Variants in DGKI observed in about 807,000 individuals in gnomAD.
The protein encoded by DGKI is DAG kinase iota.
A neutral mutation model predicts 147.5 loss-of-function variants in DGKI; 55 were observed. That is an observed-to-expected ratio of 0.37 (90% CI 0.30 to 0.47). The LOEUF is 0.47. DGKI is among the 20% of genes least tolerant of loss of function. DGKI has a pLI of 1.00. For missense variants in DGKI, 1,007 were observed against 1,323.8 expected, an observed-to-expected ratio of 0.76 and a Z score of 3.71; for synonymous variants, 469 against 477.1, an observed-to-expected ratio of 0.98 and a Z score of 0.22.
intron 21 of DGKI, among the ~76,000 whole-genome samples, chr7:137,511,029 C>A (rs1292673354): frequency 6.6e-6 from 1 of 152,180 alleles, no homozygotes; most frequent in Non-Finnish European, 1.5e-5. Context: ...AGACTGTTTT[C>A]CACCAGTGTG....
At chr7:137,472,999 T>C (rs549616426) in intron 23 of DGKI, among the ~76,000 whole-genome samples, 22 of 152,274 alleles carry the variant, frequency 1.4e-4, no homozygotes, top group African/African-American at 5.3e-4. Flanking sequence ...TAGGCTATTC[T>C]AATTACAGAA....
chr7:137,615,962 C>T (rs1820517488), intron 8 of DGKI, among the ~76,000 whole-genome samples: 1 of 152,062 alleles, frequency 6.6e-6, no homozygotes, highest in African/African-American at 2.4e-5. Context: ...CTGCATTGTC[C>T]CCACAAGCTC....
At chr7:137,562,998 A>G (rs1723095) in intron 19 of DGKI, among the ~76,000 whole-genome samples, 16,690 of 152,098 alleles carry the variant, frequency 0.11, 2,066 homozygotes, top group African/African-American at 0.3. Flanking sequence ...CATAATCATA[A>G]TCACAAAAAT....
At chr7:137,673,364 G>C (rs1054536585) in intron 3 of DGKI, among the ~76,000 whole-genome samples, 1 of 152,188 alleles carries the variant, frequency 6.6e-6, no homozygotes, top group African/African-American at 2.4e-5. Context: ...TGACAGTGAA[G>C]AGAATCATCT....
chr7:137,586,019 A>C (rs1197455392), intron 13 of DGKI, among the ~76,000 whole-genome samples: 3 of 152,158 alleles, frequency 2.0e-5, no homozygotes, highest in Non-Finnish European at 4.4e-5. Flanking sequence ...TGCCTACTTT[A>C]AAAAAAGACC....
At chr7:137,647,931 G>T (rs572187229) in intron 5 of DGKI, among the ~76,000 whole-genome samples, 7 of 152,306 alleles carry the variant, frequency 4.6e-5, no homozygotes, top group African/African-American at 1.7e-4. Context: ...ATGCATAGAA[G>T]TGGTTACTCA....
At chr7:137,739,184 A>T (rs566590077) in intron 1 of DGKI, among the ~76,000 whole-genome samples, 38 of 152,280 alleles carry the variant, frequency 2.5e-4, no homozygotes, top group African/African-American at 8.7e-4. Flanking sequence ...ACCTGAAAGA[A>T]GGGCATCTCT....
intron 20 of DGKI, among the ~76,000 whole-genome samples, chr7:137,543,651 G>T (rs1817772834): frequency 1.3e-5 from 2 of 152,154 alleles, no homozygotes; most frequent in Admixed American, 6.5e-5. Flanking sequence ...AAAAAGAGTT[G>T]TTCTGAGCAG....
intron 1 of DGKI, among the ~76,000 whole-genome samples, chr7:137,767,402 A>T (rs1796043513): frequency 6.6e-6 from 1 of 152,048 alleles, no homozygotes; most frequent in African/African-American, 2.4e-5. Context: ...AGATAAAGGT[A>T]AGAAAATTAG....
intron 27 of DGKI, chr7:137,454,928 A>G (rs530280260): frequency 1.6e-4 from 25 of 152,198 alleles, no homozygotes; most frequent in African/African-American, 6.0e-4. Context: ...GGAGCTCTGG[A>G]TTGTGAAGGC....
At chr7:137,577,196 A>C in intron 17 of DGKI, 26 bp downstream of exon 17, 2 of 1,516,936 alleles carry the variant, frequency 1.3e-6, no homozygotes, top group Non-Finnish European at 1.8e-6. Flanking sequence ...ATTCAAATTA[A>C]ATAAATCAAC....
chr7:137,505,227 G>A (rs975854454), intron 21 of DGKI, among the ~76,000 whole-genome samples: 6 of 152,106 alleles, frequency 3.9e-5, no homozygotes, highest in African/African-American at 1.4e-4. Flanking sequence ...AAAAGACTGA[G>A]GCCACAGGAC....
At chr7:137,498,308 C>G (rs985478997) in intron 21 of DGKI, among the ~76,000 whole-genome samples, 1 of 151,478 alleles carries the variant, frequency 6.6e-6, no homozygotes, top group Non-Finnish European at 1.5e-5. Flanking sequence ...TCCAGGAGGT[C>G]CCAATAAGAG....
chr7:137,658,905 G>T (rs6962188), intron 3 of DGKI, among the ~76,000 whole-genome samples: 1 of 152,206 alleles, frequency 6.6e-6, no homozygotes, highest in Non-Finnish European at 1.5e-5. Flanking sequence ...ACGTTCCGCA[G>T]ATGATAATAT....
chr7:137,675,800 ATGTT>A (rs1249526228), intron 3 of DGKI, among the ~76,000 whole-genome samples: 2 of 152,010 alleles, frequency 1.3e-5, no homozygotes, highest in African/African-American at 2.4e-5. Flanking sequence ...TTCCCAGGTA[ATGTT>A]TGTTTATTGT....
intron 1 of DGKI, among the ~76,000 whole-genome samples, chr7:137,748,147 G>C (rs1280241611): frequency 6.6e-6 from 1 of 152,054 alleles, no homozygotes; most frequent in African/African-American, 2.4e-5. Flanking sequence ...TTGGCTCTCT[G>C]TACCTAAGTG....
chr7:137,517,828 C>T (rs1816834119), intron 21 of DGKI, among the ~76,000 whole-genome samples: 1 of 152,106 alleles, frequency 6.6e-6, no homozygotes, highest in African/African-American at 2.4e-5. Flanking sequence ...TATTTACATG[C>T]TTCATAGATT....
At chr7:137,615,533 G>GTA (rs1375057818) in intron 8 of DGKI, among the ~76,000 whole-genome samples, 7 of 75,802 alleles carry the variant, frequency 9.2e-5, no homozygotes, top group East Asian at 7.1e-3. Context: ...ATGTATGTAT[G>GTA]TGTGTGTGTG....
At chr7:137,659,772 A>C (rs1822355741) in intron 3 of DGKI, among the ~76,000 whole-genome samples, 1 of 152,194 alleles carries the variant, frequency 6.6e-6, no homozygotes, top group African/African-American at 2.4e-5. Flanking sequence ...CTCTACTAAA[A>C]ATACAAAAAA....
Sources: allele counts gnomAD v4.1 joint callset (sites outside exome capture counted in the v4.1 genomes callset), GRCh38; gene constraint gnomAD v4.1.1; transcripts MANE v1.5; gene names NCBI Gene and HGNC (gene_info 2026-07-23, HGNC 2026-07-21).